GBF1: variants seen among roughly 807,000 people sequenced by gnomAD.
GBF1 encodes golgi brefeldin A resistant guanine nucleotide exchange factor 1.
Under a neutral mutation model 210.5 loss-of-function variants are expected in GBF1, and 114 were observed. The ratio of observed to expected loss-of-function variants is 0.54; its 90% CI spans 0.47 to 0.63. GBF1 has a LOEUF of 0.63. Among genes scored for constraint, GBF1 ranks in the 30% least tolerant of loss-of-function variants. The probability of loss-of-function intolerance (pLI) is 0.00; values close to 1 mark genes in which losing one functional copy is unlikely to be tolerated. For synonymous variants in GBF1, 850 were observed against 889.2 expected, an observed-to-expected ratio of 0.96 and a Z score of 0.78; for missense variants, 1,851 against 2,357.7, an observed-to-expected ratio of 0.79 and a Z score of 4.45.
At chr10:102,287,155 T>G (rs1190596494) in intron 3 of GBF1, among the ~76,000 whole-genome samples, 1 of 152,136 alleles carries the variant, frequency 6.6e-6, no homozygotes, top group Non-Finnish European at 1.5e-5. Flanking sequence ...TATCAAATGG[T>G]ACATTTCCCC....
intron 3 of GBF1, among the ~76,000 whole-genome samples, chr10:102,324,437 T>A (rs1003135694): frequency 1.3e-5 from 2 of 152,232 alleles, no homozygotes; most frequent in African/African-American, 4.8e-5. Flanking sequence ...GCCAGGCTTT[T>A]ACCAGGCTCC....
At chr10:102,357,211 G>T (rs569988837) in intron 8 of GBF1, among the ~76,000 whole-genome samples, 1 of 152,264 alleles carries the variant, frequency 6.6e-6, no homozygotes, top group South Asian at 2.1e-4. Flanking sequence ...TGTTAGCTGG[G>T]TGCAGTGGCT....
At chr10:102,372,994 G>A (rs1156396082) in intron 29 of GBF1, among the ~76,000 whole-genome samples, 1 of 152,066 alleles carries the variant, frequency 6.6e-6, no homozygotes, top group Non-Finnish European at 1.5e-5. Flanking sequence ...ATCTAGAAAA[G>A]GAAAAATTGA....
chr10:102,248,307 C>T lies in GBF1; in HGVS notation c.-11+2526C>T, dbSNP rs140488996. On this transcript the variant is annotated intron_variant, in intron 1 of 39. Coordinates refer to ENST00000369983, the MANE Select transcript of GBF1 (RefSeq NM_001377137.1). Reference sequence around the variant, plus strand: ...TTTTTTTTTAATATTTCAGTATGTTCAACTGCAGTTGTTTAACTAAATGAA... The same window carrying T: ...TTTTTTTTTAATATTTCAGTATGTTTAACTGCAGTTGTTTAACTAAATGAA... Among the ~76,000 whole-genome samples the T allele has an allele frequency of 4.1e-3, 622 of 150,852 alleles. 3 individuals are homozygous for T. Among genetic ancestry groups the T allele is most frequent in the African/African-American group, 0.014 (588 of 41,042 alleles).
At chr10:102,261,038 G>A (rs55754847) in intron 3 of GBF1, among the ~76,000 whole-genome samples, 167 of 152,228 alleles carry the variant, frequency 1.1e-3, no homozygotes, top group Non-Finnish European at 2.0e-3. Context: ...AGGGAGGCAT[G>A]GCAGCTATTG....
At chr10:102,281,925 C>T (rs2075523109) in intron 3 of GBF1, among the ~76,000 whole-genome samples, 1 of 149,126 alleles carries the variant, frequency 6.7e-6, no homozygotes. Context: ...TTTTTTCTTT[C>T]TTTTCTTTTT....
Position 102,370,587 on chromosome 10 carries a change from C to T in GBF1, c.3506+109C>T, listed in dbSNP as rs1413161908. On this transcript the variant is annotated intron_variant, in intron 28 of 39. Transcript: ENST00000369983. ...GGAACTGTAGGCAGCAGGGGAGAAGCTTACTCATCATACCTGTCTACTTAG... is the reference window on the plus strand; with the variant it reads ...GGAACTGTAGGCAGCAGGGGAGAAGTTTACTCATCATACCTGTCTACTTAG... The T allele has an allele frequency of 3.4e-5, 45 of 1,304,972 alleles. 1 individual carries two copies. In the Admixed American group the frequency reaches 7.4e-4, roughly 22 times the overall value. The allele number at this position is 1,304,972 out of a possible 1,614,324, so 80.8% of individuals were successfully genotyped here.
the GBF1 span, among the ~76,000 whole-genome samples, chr10:102,238,232 C>A: frequency 3.3e-5 from 5 of 152,282 alleles, no homozygotes; most frequent in South Asian, 8.3e-4. Context: ...AAGCTCAGGA[C>A]CTAATGGATC....
At chr10:102,290,266 C>G (rs1446147142) in intron 3 of GBF1, among the ~76,000 whole-genome samples, 2 of 151,928 alleles carry the variant, frequency 1.3e-5, no homozygotes, top group Non-Finnish European at 2.9e-5. Context: ...TAGAACCTTG[C>G]TGAAATTGGC....
intron 23 of GBF1, 68 bp downstream of exon 23, chr10:102,368,900 C>A: frequency 9.3e-7 from 1 of 1,075,080 alleles, no homozygotes. Context: ...CATGGATCTA[C>A]CCTTATCAAC....
intron 3 of GBF1, among the ~76,000 whole-genome samples, chr10:102,306,815 T>C (rs1403604048): frequency 6.6e-6 from 1 of 152,238 alleles, no homozygotes; most frequent in Non-Finnish European, 1.5e-5. Flanking sequence ...TGGTCAGGTA[T>C]CTATTCTTGA....
At chr10:102,277,677 C>T (rs571478495) in intron 3 of GBF1, among the ~76,000 whole-genome samples, 2 of 152,298 alleles carry the variant, frequency 1.3e-5, no homozygotes, top group South Asian at 4.1e-4. Flanking sequence ...CCGCACCCAG[C>T]CTATCATGAT....
Position 102,382,104 on chromosome 10 carries a change from G to A in GBF1, c.5351G>A (p.Gly1784Glu). The A allele has an allele frequency of 2.5e-6, 4 of 1,591,118 alleles. No homozygotes were observed. The highest frequency in any genetic ancestry group is 3.4e-6 in the Non-Finnish European group (4 of 1,167,234). Residue 1784 changes from glycine (G) to glutamate (E), a missense_variant, in exon 40 of 40, where the codon GGA becomes GAA. Physicochemically the swap from Gly to Glu is moderately conservative, Grantham distance 98. Coordinates refer to ENST00000369983, the MANE Select transcript of GBF1 (RefSeq NM_001377137.1). The part of the protein sequence containing the change: ...SPRAASSSSP[G>E]SPVASSPSRL... ...CGAGCCGCCAGCAGCAGCTCCCCAG[G>A]ATCACCAGTGGCCTCAAGCCCCAGC...
At chr10:102,279,390 T>C (rs183169662) in intron 3 of GBF1, among the ~76,000 whole-genome samples, 21 of 152,302 alleles carry the variant, frequency 1.4e-4, no homozygotes, top group African/African-American at 5.1e-4. Context: ...TACTCCCTCT[T>C]TTAATAAGTG....
intron 3 of GBF1, among the ~76,000 whole-genome samples, chr10:102,279,823 G>A (rs1375755794): frequency 6.6e-6 from 1 of 152,186 alleles, no homozygotes; most frequent in Admixed American, 6.5e-5. Context: ...TTGTTTCTTC[G>A]AGGGAACCTT....
the GBF1 span, among the ~76,000 whole-genome samples, chr10:102,234,107 G>A: frequency 6.6e-6 from 1 of 152,222 alleles, no homozygotes; most frequent in Non-Finnish European, 1.5e-5. Flanking sequence ...GCACAGGATG[G>A]CATTAATGTG....
rs559670219 is a variant in GBF1, at chr10:102,329,759, G to A, written c.164-14292G>A. Among the ~76,000 whole-genome samples the A allele has an allele frequency of 3.3e-5, 5 of 151,450 alleles. No individual in the cohort carries two copies. The East Asian group carries it at 5.9e-4, about 18-fold the overall frequency. On this transcript the variant is annotated intron_variant, in intron 3 of 39. Coordinates refer to ENST00000369983, the MANE Select transcript of GBF1 (RefSeq NM_001377137.1). ...ATTACAGGTGTGAGCCACCAAGCCC[G>A]GCCAAGTTTTAAATTTTTGTCATCC...
chr10:102,265,447 A>G lies in GBF1; in HGVS notation c.163+5331A>G, dbSNP rs532907413. ...TAATCTAGCACTTTGGGTGGCCAAG[A>G]CAGCAGGATTACTTGAGGCTGGGAG... is the stretch of plus-strand genomic sequence containing the variant. On this transcript the variant is annotated intron_variant, in intron 3 of 39. Transcript: ENST00000369983. 4.8e-4 allele frequency among the ~76,000 whole-genome samples: 73 copies of G among 152,260 alleles called. 1 individual carries two copies. The highest frequency in any genetic ancestry group is 3.1e-3 in the Admixed American group (47 of 15,296).
chr10:102,313,229 G>A lies in GBF1; in HGVS notation c.164-30822G>A, dbSNP rs559460956. On this transcript the variant is annotated intron_variant, in intron 3 of 39. Transcript: ENST00000369983. ...CTGGGTTATTTTCCCAGCTTTAGGC[G>A]AGTGGCACTAACTACAAGTTTCATG... 3.3e-5 allele frequency among the ~76,000 whole-genome samples: 5 copies of A among 152,296 alleles called. No homozygotes were observed. In the South Asian group the frequency reaches 8.3e-4, roughly 25 times the overall value.
Sources: allele counts gnomAD v4.1 joint callset (sites outside exome capture counted in the v4.1 genomes callset), GRCh38; gene constraint gnomAD v4.1.1; transcripts MANE v1.5; gene names NCBI Gene and HGNC (gene_info 2026-07-23, HGNC 2026-07-21).